The following IPO11 variants were observed in gnomAD, a reference collection of about 807,000 sequenced individuals.
IPO11 encodes the protein importin 11.
IPO11 carries 66 observed loss-of-function variants against 143.2 expected under a neutral mutation model. That is an observed-to-expected ratio of 0.46 (90% confidence interval 0.38 to 0.57). The LOEUF (loss-of-function observed/expected upper bound fraction) is 0.57, where lower values mean the gene tolerates loss of function less well. Among genes scored for constraint, IPO11 ranks in the 20% least tolerant of loss-of-function variants. The pLI, the probability that IPO11 is intolerant of heterozygous loss-of-function variation, is 0.00. For missense variants in IPO11, 1,026 were observed against 1,141.0 expected, an observed-to-expected ratio of 0.90 and a Z score of 1.45; for synonymous variants, 385 against 377.8, an observed-to-expected ratio of 1.02 and a Z score of -0.22.
chr5:62,579,910 G>GATTTAAGTAGT, intron 27 of IPO11: 1 of 1,551,164 alleles, frequency 6.4e-7, no homozygotes, highest in Non-Finnish European at 8.7e-7. Flanking sequence ...TCTAGTTTCA[G>GATTTAAGTAGT]TTCAGTACTT....
At chr5:62,578,386 C>A (rs534080361) in intron 27 of IPO11, among the ~76,000 whole-genome samples, 24 of 151,798 alleles carry the variant, frequency 1.6e-4, no homozygotes, top group Non-Finnish European at 2.8e-4. Flanking sequence ...GTCTTCAATG[C>A]GTATTTAACA....
intron 5 of IPO11, among the ~76,000 whole-genome samples, chr5:62,462,485 GAAAA>G (rs533067310): frequency 7.3e-6 from 1 of 137,794 alleles, no homozygotes; most frequent in Admixed American, 7.2e-5. Context: ...AGCAATGCCT[GAAAA>G]AAAAAAAAGA....
intron 18 of IPO11, among the ~76,000 whole-genome samples, chr5:62,505,713 C>G (rs1012492818): frequency 4.6e-5 from 7 of 151,910 alleles, no homozygotes; most frequent in African/African-American, 1.5e-4. Flanking sequence ...TTTTTGATTT[C>G]CTAATAAGAA....
At chr5:62,413,991 C>T (rs1027064392) in intron 1 of IPO11, among the ~76,000 whole-genome samples, 5 of 152,170 alleles carry the variant, frequency 3.3e-5, no homozygotes, top group East Asian at 1.9e-4. Flanking sequence ...CTGCAGTAAC[C>T]TAGCACAGGG....
At chr5:62,530,854 A>C in intron 22 of IPO11, 69 bp downstream of exon 22, 1 of 1,157,412 alleles carries the variant, frequency 8.6e-7, no homozygotes. Flanking sequence ...TTGAAACATA[A>C]TTTGGAGGCA....
chr5:62,416,258 C>T (rs1486400346), intron 1 of IPO11, among the ~76,000 whole-genome samples: 3 of 149,302 alleles, frequency 2.0e-5, no homozygotes, highest in African/African-American at 7.4e-5. Context: ...TCTCAGGTCA[C>T]TGCAACCTCC....
At chr5:62,599,006 C>A (rs1211195215) in intron 28 of IPO11, among the ~76,000 whole-genome samples, 1 of 152,096 alleles carries the variant, frequency 6.6e-6, no homozygotes, top group African/African-American at 2.4e-5. Flanking sequence ...AAGTGTGTGT[C>A]CCCCACAACT....
chr5:62,449,646 T>C (rs1744840302), intron 3 of IPO11: 1 of 219,764 alleles, frequency 4.6e-6, no homozygotes, highest in Non-Finnish European at 8.8e-6. Context: ...TGTGAAGGAA[T>C]TTTATGCTTC....
chr5:62,493,723 C>G (rs565440850), intron 15 of IPO11, among the ~76,000 whole-genome samples: 1 of 152,050 alleles, frequency 6.6e-6, no homozygotes, highest in East Asian at 1.9e-4. Flanking sequence ...TGCATGCCAC[C>G]ACGCCCTGCT....
intron 13 of IPO11, among the ~76,000 whole-genome samples, chr5:62,488,729 A>G (rs1181358790): frequency 6.6e-6 from 1 of 152,190 alleles, no homozygotes; most frequent in Non-Finnish European, 1.5e-5. Context: ...TTGGCCAGGC[A>G]TGGTGACTCA....
intron 9 of IPO11, among the ~76,000 whole-genome samples, chr5:62,479,617 A>G (rs975236834): frequency 6.6e-6 from 1 of 152,130 alleles, no homozygotes; most frequent in Non-Finnish European, 1.5e-5. Context: ...CTGACTTTTT[A>G]ATGGTCGCCA....
At chr5:62,529,794 A>G (rs541957257) in intron 21 of IPO11, among the ~76,000 whole-genome samples, 1 of 152,266 alleles carries the variant, frequency 6.6e-6, no homozygotes, top group East Asian at 1.9e-4. Context: ...TGCTGTTTCA[A>G]CAATCAAAAC....
rs574622949 is a variant in IPO11 at position 62,460,171 on chromosome 5, T to A, written c.517-6960T>A. Among the ~76,000 whole-genome samples, 11 of 152,376 alleles carry A rather than the reference T, an allele frequency of 7.2e-5. No individual in the cohort carries two copies. The East Asian group carries it at 1.9e-3, about 27-fold the overall frequency. On this transcript the variant is annotated intron_variant, in intron 5 of 29. Transcript: ENST00000325324. Reference sequence around the variant, plus strand: ...TGAAGAAGTAAAAAGTAATTTAATATCATTTAATACTTTTATCCAGTTTTC... The same window carrying A: ...TGAAGAAGTAAAAAGTAATTTAATAACATTTAATACTTTTATCCAGTTTTC...
At chr5:62,431,381 G>GT (rs1316225107) in intron 1 of IPO11, among the ~76,000 whole-genome samples, 3 of 94 alleles carry the variant, frequency 0.032, no homozygotes, top group African/African-American at 0.12. Flanking sequence ...AGAAATTCCA[G>GT]GGCAATTTTT....
intron 5 of IPO11, among the ~76,000 whole-genome samples, chr5:62,457,344 C>T (rs557961282): frequency 2.0e-5 from 3 of 151,860 alleles, no homozygotes; most frequent in African/African-American, 7.2e-5. Flanking sequence ...AAAAATTAGG[C>T]ATGGTGGTGT....
At chr5:62,452,297 A>T (rs1483770144) in intron 5 of IPO11, among the ~76,000 whole-genome samples, 1 of 151,304 alleles carries the variant, frequency 6.6e-6, no homozygotes, top group East Asian at 1.9e-4. Context: ...GTAAAAAAAA[A>T]TGACTATAGT....
chr5:62,584,046 A>G (rs1051895115), intron 27 of IPO11, among the ~76,000 whole-genome samples: 1 of 152,220 alleles, frequency 6.6e-6, no homozygotes, highest in East Asian at 1.9e-4. Context: ...TATCGAAAGT[A>G]ATTTGTTTTC....
Position 62,519,755 on chromosome 5 carries a change from T to C in IPO11, c.1896+4254T>C, listed in dbSNP as rs115410195. The stretch of plus-strand genomic sequence containing the variant: ...GAAACCTGGGCATGCCATGTCTGAA[T>C]TCTCTGATCAGAGTTTAATGGACTG... On this transcript the variant is annotated intron_variant, in intron 20 of 29. Coordinates refer to ENST00000325324, the MANE Select transcript of IPO11 (RefSeq NM_016338.5). Among the ~76,000 whole-genome samples, 1,102 of 152,346 alleles carry C rather than the reference T, an allele frequency of 7.2e-3. 14 individuals are homozygous for C. The highest frequency in any genetic ancestry group is 0.025 in the African/African-American group (1,037 of 41,582).
intron 28 of IPO11, among the ~76,000 whole-genome samples, chr5:62,593,384 C>T (rs1034422712): frequency 6.6e-6 from 1 of 152,136 alleles, no homozygotes; most frequent in Non-Finnish European, 1.5e-5. Context: ...CACAGTGGCT[C>T]CTGCCTGTAA....
Sources: allele counts gnomAD v4.1 joint callset (sites outside exome capture counted in the v4.1 genomes callset), GRCh38; gene constraint gnomAD v4.1.1; transcripts MANE v1.5; gene names NCBI Gene and HGNC (gene_info 2026-07-23, HGNC 2026-07-21).